The following PPP1CB variants were observed in gnomAD, a reference collection of about 807,000 sequenced individuals.
PPP1CB encodes serine/threonine-protein phosphatase PP1-beta catalytic subunit.
Under a neutral mutation model 43.7 loss-of-function variants are expected in PPP1CB, and 2 were observed. The ratio of observed to expected loss-of-function variants is 0.05; its 90% CI spans 0.02 to 0.14. The LOEUF (loss-of-function observed/expected upper bound fraction) is 0.14, where lower values mean the gene tolerates loss of function less well. Among genes scored for constraint, PPP1CB ranks in the 10% least tolerant of loss-of-function variants. PPP1CB has a pLI of 1.00. For missense variants in PPP1CB, 84 were observed against 398.0 expected, an observed-to-expected ratio of 0.21 and a Z score of 6.71; for synonymous variants, 136 against 135.6, an observed-to-expected ratio of 1.00 and a Z score of -0.02.
chr2:28,793,777 T>G (rs1031295046), intron 6 of PPP1CB, 86 bp from the exon 7 acceptor site: 1 of 1,475,476 alleles, frequency 6.8e-7, no homozygotes, highest in African/African-American at 1.4e-5. Context: ...TGGGGCACAG[T>G]CTTTGCCACC....
chr2:28,753,217 T>C (rs1235339348), intron 1 of PPP1CB, among the ~76,000 whole-genome samples: 1 of 149,332 alleles, frequency 6.7e-6, no homozygotes, highest in Non-Finnish European at 1.5e-5. Flanking sequence ...TAGAGGCCTC[T>C]TTGTTAGCCG....
At chr2:28,753,851 A>T (rs1362271466) in intron 1 of PPP1CB, among the ~76,000 whole-genome samples, 1 of 152,030 alleles carries the variant, frequency 6.6e-6, no homozygotes, top group Non-Finnish European at 1.5e-5. Context: ...CTTCCGCCTC[A>T]GCCTCCTGAG....
intron 5 of PPP1CB, among the ~76,000 whole-genome samples, chr2:28,786,021 T>C (rs544736702): frequency 6.6e-6 from 1 of 152,300 alleles, no homozygotes; most frequent in Admixed American, 6.5e-5. Flanking sequence ...TTTGATAGTG[T>C]CTGCAACATT....
chr2:28,783,772 C>T (rs1270757392), intron 4 of PPP1CB, 135 bp from the exon 5 acceptor site: 6 of 569,726 alleles, frequency 1.1e-5, no homozygotes, highest in African/African-American at 3.9e-5. Context: ...AAAAAAAAGA[C>T]GTTAAAAGGA....
intron 2 of PPP1CB, 185 bp from the exon 3 acceptor site, chr2:28,778,623 CT>C: frequency 1.7e-6 from 1 of 580,752 alleles, no homozygotes; most frequent in Admixed American, 3.0e-5. Context: ...AAGTCACAGT[CT>C]TTTGTAACTT....
rs74622603 is a variant in PPP1CB, at chr2:28,788,022, T to C, written c.593-636T>C. Among the ~76,000 whole-genome samples, 574 of 150,504 alleles carry C rather than the reference T, an allele frequency of 3.8e-3. 6 individuals are homozygous for C. The highest frequency in any genetic ancestry group is 0.013 in the African/African-American group (543 of 40,842). On this transcript the variant is annotated intron_variant, in intron 5 of 7. Transcript: ENST00000395366. ...ATCCTCAGGGTCTCAGTAGAAAATG[T>C]TTTTTTTTCGCTCAAGTGATCTGTA...
intron 1 of PPP1CB, among the ~76,000 whole-genome samples, chr2:28,764,459 CAAAA>C (rs563880320): frequency 1.1e-5 from 1 of 90,222 alleles, no homozygotes; most frequent in Admixed American, 1.3e-4. Context: ...GACTCCATCT[CAAAA>C]AAAAAAAAAA....
At chr2:28,755,832 A>G (rs1666477516) in intron 1 of PPP1CB, among the ~76,000 whole-genome samples, 1 of 152,194 alleles carries the variant, frequency 6.6e-6, no homozygotes, top group Non-Finnish European at 1.5e-5. Flanking sequence ...TGATCCAGGT[A>G]TTTAAAAACT....
intron 7 of PPP1CB, among the ~76,000 whole-genome samples, chr2:28,794,700 A>T (rs994468459): frequency 6.6e-6 from 1 of 152,112 alleles, no homozygotes; most frequent in Non-Finnish European, 1.5e-5. Flanking sequence ...CCAAAAAAAA[A>T]TAGTTTCCTG....
At chr2:28,756,499 T>G (rs72852879) in intron 1 of PPP1CB, among the ~76,000 whole-genome samples, 19,966 of 152,218 alleles carry the variant, frequency 0.13, 1,718 homozygotes, top group African/African-American at 0.24. Context: ...GCTGACAGAC[T>G]ACACTTTTAA....
intron 1 of PPP1CB, among the ~76,000 whole-genome samples, 173 bp downstream of exon 1, chr2:28,752,349 G>A (rs1666326579): frequency 1.3e-5 from 2 of 152,168 alleles, no homozygotes; most frequent in Non-Finnish European, 2.9e-5. Context: ...TGGGCGCGGG[G>A]GAGCGGCCTC....
At chr2:28,774,534 T>G (rs1666989757) in intron 1 of PPP1CB, among the ~76,000 whole-genome samples, 1 of 152,134 alleles carries the variant, frequency 6.6e-6, no homozygotes. Context: ...CAAGGAGTTC[T>G]CCTGCCTCAG....
chr2:28,763,807 C>T (rs763236241), intron 1 of PPP1CB, among the ~76,000 whole-genome samples: 3 of 152,086 alleles, frequency 2.0e-5, no homozygotes, highest in Non-Finnish European at 2.9e-5. Flanking sequence ...CGGGTTGAAG[C>T]GATTCTCCTG....
chr2:28,789,593 A>ATTTTTTTT (rs70956041), intron 6 of PPP1CB, among the ~76,000 whole-genome samples: 1 of 96,544 alleles, frequency 1.0e-5, no homozygotes, highest in Non-Finnish European at 2.2e-5. Flanking sequence ...TATGATTTAG[A>ATTTTTTTT]TTTTTTTTTT....
chr2:28,756,276 A>T (rs906542997), intron 1 of PPP1CB, among the ~76,000 whole-genome samples: 1 of 152,252 alleles, frequency 6.6e-6, no homozygotes, highest in South Asian at 2.1e-4. Context: ...GTAAAGTTCC[A>T]TAGCAAAATG....
intron 1 of PPP1CB, among the ~76,000 whole-genome samples, chr2:28,755,829 G>C (rs1351435089): frequency 6.6e-6 from 1 of 152,110 alleles, no homozygotes; most frequent in Non-Finnish European, 1.5e-5. Flanking sequence ...TCTTGATCCA[G>C]GTATTTAAAA....
At chr2:28,793,382 C>T (rs919107268) in intron 6 of PPP1CB, among the ~76,000 whole-genome samples, 5 of 132,810 alleles carry the variant, frequency 3.8e-5, no homozygotes, top group African/African-American at 7.9e-5. Flanking sequence ...GTAAGCTCTT[C>T]GCAAAGTCGT....
intron 7 of PPP1CB, among the ~76,000 whole-genome samples, chr2:28,795,305 A>G (rs1442727374): frequency 1.3e-5 from 2 of 152,190 alleles, no homozygotes; most frequent in Non-Finnish European, 2.9e-5. Flanking sequence ...TGTGATTAAC[A>G]TACAAGTGCT....
Position 28,778,831 on chromosome 2 carries a change from A to C in PPP1CB, c.207A>C (p.Thr69=), listed in dbSNP as rs768794278. The change falls in exon 3 of 8, where the codon ACA becomes ACC. Residue 69 remains threonine (T), a synonymous_variant. Transcript: ENST00000395366. ...TAGGAGATATTCATGGACAATATACAGATTTACTGAGATTATTTGAATATG... is the reference window on the plus strand; with the variant it reads ...TAGGAGATATTCATGGACAATATACCGATTTACTGAGATTATTTGAATATG... The part of the protein sequence containing the change: ...KICGDIHGQY[T]DLLRLFEYGG... 1.9e-6 allele frequency: 3 copies of C among 1,593,932 alleles called. No individual in the cohort carries two copies. The Admixed American group carries it at 5.0e-5, about 27-fold the overall frequency.
Sources: allele counts gnomAD v4.1 joint callset (sites outside exome capture counted in the v4.1 genomes callset), GRCh38; gene constraint gnomAD v4.1.1; transcripts MANE v1.5; gene names NCBI Gene and HGNC (gene_info 2026-07-23, HGNC 2026-07-21).